The following DPH6 variants were observed in gnomAD, a reference collection of about 807,000 sequenced individuals.
The protein encoded by DPH6 is diphthamine biosynthesis 6, also known as diphthine--ammonia ligase.
Under a neutral mutation model 38.2 loss-of-function variants are expected in DPH6, and 33 were observed. The ratio of observed to expected loss-of-function variants is 0.86; its 90% CI spans 0.65 to 1.15. The LOEUF is 1.15. Among genes scored for constraint, DPH6 ranks in the 50% most tolerant of loss-of-function variants. The pLI, the probability that DPH6 is intolerant of heterozygous loss-of-function variation, is 0.00. For synonymous variants in DPH6, 108 were observed against 103.0 expected (o/e 1.05, Z -0.30); for missense variants, 325 against 320.0 (o/e 1.02, Z -0.12).
chr15:35,420,057 A>T (rs2053485091), intron 5 of DPH6, among the ~76,000 whole-genome samples: 1 of 152,094 alleles, frequency 6.6e-6, no homozygotes, highest in South Asian at 2.1e-4. Context: ...GTCTTAACAC[A>T]TTTAAGGTTA....
intron 3 of DPH6, among the ~76,000 whole-genome samples, chr15:35,338,335 G>GA (rs1466763874): frequency 5.3e-4 from 81 of 151,774 alleles, no homozygotes; most frequent in African/African-American, 1.9e-3. Context: ...AAATTTACAA[G>GA]AAAAAAACAA....
chr15:35,491,403 T>C (rs919301622), intron 3 of DPH6, among the ~76,000 whole-genome samples: 3 of 152,028 alleles, frequency 2.0e-5, no homozygotes, highest in Admixed American at 6.6e-5. Flanking sequence ...GTTAGTGAAA[T>C]CACTGTCATA....
At chr15:35,219,075 C>A (rs147546225) in exon 4 of DPH6, 1 of 152,188 alleles carries the variant, frequency 6.6e-6, no homozygotes, top group African/African-American at 2.4e-5. Flanking sequence ...ATAAAAATTT[C>A]TTTACATTAC....
intron 3 of DPH6, among the ~76,000 whole-genome samples, chr15:35,466,210 T>G (rs142867581): frequency 1.1e-4 from 17 of 152,134 alleles, no homozygotes; most frequent in African/African-American, 3.9e-4. Flanking sequence ...AAAATTAAAA[T>G]TAATTAAAAA....
chr15:35,204,198 A>G, the DPH6 span, among the ~76,000 whole-genome samples: 1 of 151,760 alleles, frequency 6.6e-6, no homozygotes, highest in East Asian at 1.9e-4. Context: ...GCCAAAATTT[A>G]TTTTGTATTC....
intron 3 of DPH6, among the ~76,000 whole-genome samples, chr15:35,357,945 G>GA (rs2052580042): frequency 6.6e-6 from 1 of 152,144 alleles, no homozygotes; most frequent in African/African-American, 2.4e-5. Flanking sequence ...GCAAGGCTGA[G>GA]GAAGCTTTCC....
At chr15:35,481,143 C>T (rs945124968) in intron 3 of DPH6, among the ~76,000 whole-genome samples, 13 of 152,090 alleles carry the variant, frequency 8.5e-5, no homozygotes, top group Admixed American at 3.9e-4. Context: ...GACTGAGGAA[C>T]TAATTTTTAA....
rs534908028 is a variant in DPH6 at position 35,394,234 on chromosome 15, T to C, written c.568-12318A>G. 1.5e-3 allele frequency among the ~76,000 whole-genome samples: 231 copies of C among 152,322 alleles called. 1 individual carries two copies. The highest frequency in any genetic ancestry group is 2.7e-3 in the Non-Finnish European group (185 of 68,020). On this transcript the variant is annotated intron_variant, in intron 6 of 8. Transcript: ENST00000256538. ...CTGCTGCTGCTAATACTATCACTAC[T>C]AATTAAAGACTATTTGGTTTATGAC...
At chr15:35,264,103 T>C (rs2051767758) in intron 3 of DPH6, among the ~76,000 whole-genome samples, 1 of 152,028 alleles carries the variant, frequency 6.6e-6, no homozygotes, top group African/African-American at 2.4e-5. Flanking sequence ...CTTGTTTTTT[T>C]TTTTAATTCA....
the DPH6 span, among the ~76,000 whole-genome samples, chr15:35,183,359 C>A: frequency 6.6e-6 from 1 of 152,170 alleles, no homozygotes; most frequent in African/African-American, 2.4e-5. Context: ...TGCTTGGCTG[C>A]TGTTTCAGCA....
At chr15:35,498,943 TA>T (rs61542040) in intron 3 of DPH6, among the ~76,000 whole-genome samples, 14,832 of 108,372 alleles carry the variant, frequency 0.14, 1,463 homozygotes, top group African/African-American at 0.33. Flanking sequence ...CCTCATCTCT[TA>T]AAAAAAAAAA....
chr15:35,390,589 A>C (rs1595523535), intron 6 of DPH6, among the ~76,000 whole-genome samples: 1 of 151,668 alleles, frequency 6.6e-6, no homozygotes, highest in East Asian at 1.9e-4. Flanking sequence ...CATTTCATTC[A>C]TTTTGTCTTC....
chr15:35,150,453 T>A, the DPH6 span, among the ~76,000 whole-genome samples: 1 of 152,194 alleles, frequency 6.6e-6, no homozygotes, highest in Non-Finnish European at 1.5e-5. Flanking sequence ...TATCTGCCAA[T>A]AGTGATGTAC....
Position 35,448,851 on chromosome 15 carries a change from C to G in DPH6, c.505+1834G>C, listed in dbSNP as rs184302022. On this transcript the variant is annotated intron_variant, in intron 5 of 8. Transcript: ENST00000256538. ...GCCTATAAGACATAAAGGTTACATACCATAATTATAAAAAATATATTTGTA... is the reference window on the plus strand; with the variant it reads ...GCCTATAAGACATAAAGGTTACATAGCATAATTATAAAAAATATATTTGTA... 9.2e-5 allele frequency among the ~76,000 whole-genome samples: 14 copies of G among 151,962 alleles called. No individual in the cohort carries two copies. In the East Asian group the frequency reaches 2.7e-3, roughly 29 times the overall value.
At chr15:35,183,081 A>G in the DPH6 span, among the ~76,000 whole-genome samples, 11 of 152,314 alleles carry the variant, frequency 7.2e-5, no homozygotes, top group African/African-American at 2.6e-4. Flanking sequence ...TTAAGTAACC[A>G]TATCACTCAT....
At chr15:35,162,660 T>C in the DPH6 span, among the ~76,000 whole-genome samples, 22 of 151,960 alleles carry the variant, frequency 1.4e-4, 1 homozygote, top group Non-Finnish European at 3.1e-4. Flanking sequence ...ACAGCACTTA[T>C]AATAATTTTT....
intron 5 of DPH6, among the ~76,000 whole-genome samples, chr15:35,424,853 G>A (rs1177794684): frequency 6.6e-6 from 1 of 151,578 alleles, no homozygotes; most frequent in East Asian, 1.9e-4. Context: ...CTTGAGTGAA[G>A]ATGGAATCAA....
At chr15:35,316,577 G>C (rs1203301052) in intron 3 of DPH6, among the ~76,000 whole-genome samples, 1 of 152,080 alleles carries the variant, frequency 6.6e-6, no homozygotes, top group East Asian at 1.9e-4. Flanking sequence ...AACTTGGTGA[G>C]TAAAAAGAAT....
chr15:35,197,106 C>T, the DPH6 span, among the ~76,000 whole-genome samples: 3 of 152,064 alleles, frequency 2.0e-5, no homozygotes, highest in East Asian at 5.8e-4. Context: ...TATGTTAGCA[C>T]ACAAATTCAC....
Sources: allele counts gnomAD v4.1 joint callset (sites outside exome capture counted in the v4.1 genomes callset), GRCh38; gene constraint gnomAD v4.1.1; transcripts MANE v1.5; gene names NCBI Gene and HGNC (gene_info 2026-07-23, HGNC 2026-07-21).